The following AEBP2 variants were observed in gnomAD, a reference collection of about 807,000 sequenced individuals.
AEBP2 encodes zinc finger protein AEBP2.
AEBP2 carries 10 observed loss-of-function variants against 50.8 expected under a neutral mutation model. That is an observed-to-expected ratio of 0.20 (90% CI 0.12 to 0.33). The LOEUF (loss-of-function observed/expected upper bound fraction) is 0.33, where lower values mean the gene tolerates loss of function less well. Among genes scored for constraint, AEBP2 ranks in the 10% least tolerant of loss-of-function variants. AEBP2 has a pLI of 1.00. For synonymous variants in AEBP2, 296 were observed against 261.3 expected (o/e 1.13, Z -1.28); for missense variants, 570 against 688.0 (o/e 0.83, Z 1.92).
intron 3 of AEBP2, among the ~76,000 whole-genome samples, chr12:19,480,550 T>C (rs991284473): frequency 1.3e-5 from 2 of 152,254 alleles, no homozygotes; most frequent in African/African-American, 4.8e-5. Context: ...TTTATGAAGC[T>C]TAGTTTTGCT....
At chr12:19,481,734 C>T (rs1367318557) in intron 3 of AEBP2, among the ~76,000 whole-genome samples, 2 of 152,162 alleles carry the variant, frequency 1.3e-5, no homozygotes, top group Non-Finnish European at 2.9e-5. Context: ...CTGCCTCAGC[C>T]TCCCACAGTG....
Position 19,518,218 on chromosome 12 carries a change from CTTT to C in AEBP2, c.*119_*121del, listed in dbSNP as rs34795094. On this transcript the variant is annotated 3_prime_UTR_variant, in exon 8 of 8. Coordinates refer to ENST00000266508, the MANE Select transcript of AEBP2 (RefSeq NM_153207.5). ...AGTTGCACATTAGAGTCAACCCCTT[CTTT>C]TTTTTTTTTTTTTTTTTAAATCCAG... is the stretch of plus-strand genomic sequence containing the variant. The C allele has an allele frequency of 0.031, 34,764 of 1,120,206 alleles. 50 individuals carry two copies. Among genetic ancestry groups the C allele is most frequent in the East Asian group, 0.049 (1,177 of 24,042 alleles). The allele number at this position is 1,120,206 out of a possible 1,614,324, so 69.4% of individuals were successfully genotyped here. A position where few individuals can be genotyped will look rare whatever the true frequency, so the allele number is the denominator to read the frequency against.
At chr12:19,408,204 A>G (rs546984301) in intron 1 of AEBP2, among the ~76,000 whole-genome samples, 1 of 152,230 alleles carries the variant, frequency 6.6e-6, no homozygotes, top group Non-Finnish European at 1.5e-5. Context: ...ATACAAAACC[A>G]AATTAGAATA....
chr12:19,473,871 T>A (rs1411110389), intron 3 of AEBP2, among the ~76,000 whole-genome samples: 1 of 152,202 alleles, frequency 6.6e-6, no homozygotes, highest in East Asian at 1.9e-4. Flanking sequence ...TTTTTTTCTA[T>A]TTGAAGTACA....
chr12:19,468,346 C>T (rs1182674072), intron 2 of AEBP2, among the ~76,000 whole-genome samples: 2 of 152,112 alleles, frequency 1.3e-5, no homozygotes, highest in Admixed American at 1.3e-4. Context: ...TGTAATTTTA[C>T]TGAAAACAAG....
intron 3 of AEBP2, among the ~76,000 whole-genome samples, chr12:19,483,214 G>A (rs1005813596): frequency 2.0e-5 from 3 of 152,134 alleles, no homozygotes; most frequent in Admixed American, 2.0e-4. Flanking sequence ...GTCGGGGATG[G>A]CTTCCCTGGG....
chr12:19,441,832 C>G (rs562048607), intron 1 of AEBP2, among the ~76,000 whole-genome samples: 1 of 152,190 alleles, frequency 6.6e-6, no homozygotes, highest in East Asian at 1.9e-4. Context: ...GATACCATTA[C>G]ATATCTGAAA....
intron 1 of AEBP2, among the ~76,000 whole-genome samples, chr12:19,442,078 CTAT>C (rs1947971241): frequency 6.6e-6 from 1 of 152,102 alleles, no homozygotes; most frequent in South Asian, 2.1e-4. Flanking sequence ...CTCAAGTCCC[CTAT>C]TATTTCCACT....
intron 5 of AEBP2, among the ~76,000 whole-genome samples, chr12:19,504,706 C>T (rs1949130526): frequency 6.6e-6 from 1 of 152,066 alleles, no homozygotes; most frequent in African/African-American, 2.4e-5. Flanking sequence ...GGAGCTCACC[C>T]TTTTGTTCTT....
At chr12:19,438,276 G>C (rs1245265678), upstream of AEBP2, among the ~76,000 whole-genome samples, 1 of 152,164 alleles carries the variant, frequency 6.6e-6, no homozygotes, top group Non-Finnish European at 1.5e-5. Context: ...ATCATTAAAA[G>C]TATTTTTTCT....
chr12:19,486,259 AT>A (rs1187242207), intron 3 of AEBP2, among the ~76,000 whole-genome samples: 1 of 152,168 alleles, frequency 6.6e-6, no homozygotes, highest in Non-Finnish European at 1.5e-5. Flanking sequence ...ACTCAACAAA[AT>A]ATCAGCGAGA....
chr12:19,483,013 G>T (rs115042218), intron 3 of AEBP2, among the ~76,000 whole-genome samples: 2 of 152,034 alleles, frequency 1.3e-5, no homozygotes, highest in Non-Finnish European at 2.9e-5. Flanking sequence ...GCCCCTCCCC[G>T]TCTGCCTACT....
Position 19,512,463 on chromosome 12 carries a change from C to A in AEBP2, c.1365C>A (p.Asp455Glu). ...TTTTGCTTCATTGGATGCCTGAAGACATGTAAGTATTTGAAATATTATGCC... is the reference window on the plus strand; with the variant it reads ...TTTTGCTTCATTGGATGCCTGAAGAAATGTAAGTATTTGAAATATTATGCC... The part of the protein sequence containing the change: ...IKLLLHWMPE[D>E]ILPDVWVNES... Residue 455 changes from aspartate (D) to glutamate (E), a missense_variant and splice_region_variant, in exon 6 of 8, where the codon GAC (aspartate) becomes GAA (glutamate). Physicochemically the swap from Asp to Glu is conservative, Grantham distance 45. Around this residue, in one of 2 missense-constraint regions of AEBP2, gnomAD observed 184 missense variants for 351.2 expected, o/e 0.52. Coordinates refer to ENST00000266508, the MANE Select transcript of AEBP2 (RefSeq NM_153207.5). The A allele has an allele frequency of 6.4e-7, 1 of 1,558,370 alleles. No homozygotes were observed. Among genetic ancestry groups the A allele is most frequent in the Non-Finnish European group, 8.7e-7 (1 of 1,148,344 alleles).
intron 3 of AEBP2, among the ~76,000 whole-genome samples, chr12:19,486,904 C>T (rs979640931): frequency 2.0e-5 from 3 of 152,012 alleles, no homozygotes; most frequent in Non-Finnish European, 2.9e-5. Context: ...ACGATCTACC[C>T]GCCTCGGCCT....
chr12:19,411,710 C>T (rs1299181584), intron 1 of AEBP2, among the ~76,000 whole-genome samples: 2 of 152,186 alleles, frequency 1.3e-5, no homozygotes, highest in Non-Finnish European at 2.9e-5. Context: ...GCTGGAACAT[C>T]GCCCGAAGGA....
chr12:19,456,905 TGTTA>T (rs1322886077), intron 1 of AEBP2: 98 of 1,447,064 alleles, frequency 6.8e-5, no homozygotes, highest in Non-Finnish European at 9.2e-5. Flanking sequence ...CAAAGGGGCT[TGTTA>T]GTTGGATGAG....
At chr12:19,487,613 G>T (rs966558591) in intron 3 of AEBP2, among the ~76,000 whole-genome samples, 2 of 152,094 alleles carry the variant, frequency 1.3e-5, no homozygotes, top group African/African-American at 4.8e-5. Flanking sequence ...AGGTACTTGG[G>T]AGGCTGAGGC....
intron 5 of AEBP2, among the ~76,000 whole-genome samples, chr12:19,504,331 T>C (rs1249355809): frequency 1.3e-5 from 2 of 151,482 alleles, no homozygotes; most frequent in East Asian, 3.9e-4. Flanking sequence ...GCCTCCCAGG[T>C]TCACACCATT....
intron 3 of AEBP2, among the ~76,000 whole-genome samples, 173 bp downstream of exon 3, chr12:19,473,528 C>T (rs1310183302): frequency 6.6e-6 from 1 of 152,100 alleles, no homozygotes; most frequent in Non-Finnish European, 1.5e-5. Context: ...GCCTCAGTCT[C>T]CTGAGTAGCT....
Sources: gnomAD v4.1 joint callset for allele counts (sites outside exome capture counted in the v4.1 genomes callset) on GRCh38, gnomAD v4.1.1 for gene constraint, gnomAD v4.1.1 regional missense constraint, MANE v1.5 for transcripts, NCBI Gene and HGNC (gene_info 2026-07-23, HGNC 2026-07-21) for gene names.